SYTL5: variants seen among roughly 807,000 people sequenced by gnomAD.
SYTL5 encodes synaptotagmin-like protein 5.
SYTL5 carries 34 observed loss-of-function variants against 55.9 expected under a neutral mutation model. The ratio of observed to expected loss-of-function variants is 0.61; its 90% CI spans 0.46 to 0.81. The LOEUF is 0.81. Ranked by LOEUF, SYTL5 falls within the 30% of genes least tolerant of loss-of-function variation. SYTL5 has a pLI of 0.00. For synonymous variants in SYTL5, 221 were observed against 188.7 expected (o/e 1.17, Z -1.40); for missense variants, 637 against 546.7 (o/e 1.17, Z -1.65).
chrX:38,123,208 C>T (rs1308927141), intron 15 of SYTL5, among the ~76,000 whole-genome samples: 3 of 112,406 alleles, frequency 2.7e-5, no homozygotes, highest in Admixed American at 9.4e-5. Flanking sequence ...GGTGCCATCT[C>T]GGCTCACTGC....
the SYTL5 span, among the ~76,000 whole-genome samples, chrX:37,921,982 C>A: frequency 1.8e-5 from 2 of 111,874 alleles, no homozygotes; most frequent in Admixed American, 1.9e-4. Context: ...TATTTTATGA[C>A]CGTTGCTTGT....
chrX:38,043,705 A>G (rs960526015), intron 2 of SYTL5, among the ~76,000 whole-genome samples: 1 of 94,646 alleles, frequency 1.1e-5, no homozygotes, highest in Non-Finnish European at 2.0e-5. Context: ...ATATATATAC[A>G]TATTTTCATA....
intron 2 of SYTL5, among the ~76,000 whole-genome samples, chrX:38,051,021 G>A (rs1183282866): frequency 1.8e-5 from 2 of 112,338 alleles, no homozygotes; most frequent in Non-Finnish European, 3.8e-5. Flanking sequence ...AGAATGGGAA[G>A]TATTTAGTGA....
intron 9 of SYTL5, 60 bp from the exon 10 acceptor site, chrX:38,102,282 G>GA: frequency 2.4e-6 from 2 of 843,564 alleles, no homozygotes; most frequent in African/African-American, 2.0e-5. Context: ...TTTCTCAAGT[G>GA]AAAAAACATT....
At chrX:38,002,974 T>C (rs1933894574), upstream of SYTL5, among the ~76,000 whole-genome samples, 1 of 111,787 alleles carries the variant, frequency 8.9e-6, no homozygotes, top group Non-Finnish European at 1.9e-5. Flanking sequence ...TTGCCTAGTT[T>C]TTCTTCTAGG....
chrX:38,025,913 A>T (rs1411948683), intron 1 of SYTL5, among the ~76,000 whole-genome samples: 1 of 112,254 alleles, frequency 8.9e-6, no homozygotes, highest in Admixed American at 9.4e-5. Flanking sequence ...CAGCAAACAG[A>T]TCTGACATGG....
the SYTL5 span, among the ~76,000 whole-genome samples, chrX:37,974,096 A>G: frequency 9.0e-6 from 1 of 111,703 alleles, no homozygotes; most frequent in African/African-American, 3.3e-5. Flanking sequence ...AGTTGCAGTT[A>G]TATAGGATTT....
At chrX:38,008,091 A>C (rs952409689) in intron 1 of SYTL5, among the ~76,000 whole-genome samples, 1 of 111,407 alleles carries the variant, frequency 9.0e-6, no homozygotes. Context: ...GGGAAGGAAA[A>C]GGAAATGTAG....
the SYTL5 span, among the ~76,000 whole-genome samples, chrX:38,000,839 T>A: frequency 2.0e-4 from 22 of 111,536 alleles, no homozygotes; most frequent in South Asian, 7.9e-3. Flanking sequence ...GCCCGCTCAG[T>A]GGCCGGGCTC....
intron 1 of SYTL5, among the ~76,000 whole-genome samples, chrX:38,011,122 T>G (rs1350280523): frequency 8.9e-6 from 1 of 112,381 alleles, no homozygotes; most frequent in Non-Finnish European, 1.9e-5. Context: ...CCTAGACTGC[T>G]GTTACATGTT....
intron 1 of SYTL5, among the ~76,000 whole-genome samples, chrX:38,032,105 C>G (rs1200886055): frequency 8.9e-6 from 1 of 112,119 alleles, no homozygotes; most frequent in Non-Finnish European, 1.9e-5. Context: ...TGGGGTCAGC[C>G]TGACCTCATG....
At chrX:37,990,958 G>A in the SYTL5 span, 12 of 1,210,179 alleles carry the variant, frequency 9.9e-6, no homozygotes, top group Admixed American at 6.5e-5. Flanking sequence ...CAAGATGAAC[G>A]AGACGTCCAA....
intron 1 of SYTL5, among the ~76,000 whole-genome samples, chrX:38,010,441 AC>A (rs1231549373): frequency 8.9e-6 from 1 of 112,155 alleles, no homozygotes; most frequent in Non-Finnish European, 1.9e-5. Flanking sequence ...TTGGGGCAGA[AC>A]TGAGCAAATG....
the SYTL5 span, among the ~76,000 whole-genome samples, chrX:37,921,408 T>C: frequency 9.0e-6 from 1 of 111,262 alleles, no homozygotes; most frequent in South Asian, 3.9e-4. Context: ...TCTTCTGTTA[T>C]TCTCATTGTG....
chrX:38,103,074 G>A, intron 10 of SYTL5: 1 of 1,158,740 alleles, frequency 8.6e-7, no homozygotes, highest in Non-Finnish European at 1.2e-6. Context: ...AAATGTGCCT[G>A]ATGCTGACTC....
chrX:37,991,539 T>C, the SYTL5 span, among the ~76,000 whole-genome samples: 1 of 110,942 alleles, frequency 9.0e-6, no homozygotes, highest in Non-Finnish European at 1.9e-5. Context: ...TCATTGTCTC[T>C]GAACAGGAAG....
At chrX:38,119,917 T>A (rs1183588670) in intron 13 of SYTL5, among the ~76,000 whole-genome samples, 1 of 112,357 alleles carries the variant, frequency 8.9e-6, no homozygotes, top group Non-Finnish European at 1.9e-5. Flanking sequence ...TGCCTACTTT[T>A]CCATTCTTGA....
At chrX:38,108,486 T>C (rs941122365) in intron 11 of SYTL5, 114 bp from the exon 12 acceptor site, 19 of 503,252 alleles carry the variant, frequency 3.8e-5, no homozygotes, top group African/African-American at 3.4e-4. Context: ...TTCTCTTTGG[T>C]ATTTCCGCTC....
chrX:37,946,054 C>G, the SYTL5 span: 1 of 120,762 alleles, frequency 8.3e-6, no homozygotes, highest in African/African-American at 3.2e-5. Context: ...TGCTATTGTT[C>G]ATGAAAACTT....
Sources: allele counts gnomAD v4.1 joint callset (sites outside exome capture counted in the v4.1 genomes callset), GRCh38; gene constraint gnomAD v4.1.1; transcripts MANE v1.5; gene names NCBI Gene and HGNC (gene_info 2026-07-23, HGNC 2026-07-21).